KCNIP1: variants seen among roughly 807,000 people sequenced by gnomAD.
KCNIP1 encodes potassium voltage-gated channel interacting protein 1.
A neutral mutation model predicts 33.0 loss-of-function variants in KCNIP1; 18 were observed. That is an observed-to-expected ratio of 0.55 (90% CI 0.38 to 0.81). The LOEUF (loss-of-function observed/expected upper bound fraction) is 0.81, where lower values mean the gene tolerates loss of function less well. Ranked by LOEUF, KCNIP1 falls within the 30% of genes least tolerant of loss-of-function variation. The pLI is 0.00. For missense variants in KCNIP1, 238 were observed against 271.6 expected (o/e 0.88, Z 0.87); for synonymous variants, 93 against 98.3 (o/e 0.95, Z 0.32).
chr5:170,385,287 G>A (rs890338627), intron 1 of KCNIP1: 2 of 1,613,600 alleles, frequency 1.2e-6, no homozygotes, highest in Non-Finnish European at 1.7e-6. Context: ...AGGGTTGGGG[G>A]GTGGGCAGGC....
intron 1 of KCNIP1, among the ~76,000 whole-genome samples, chr5:170,366,273 C>G (rs1054216598): frequency 1.3e-5 from 2 of 152,192 alleles, no homozygotes; most frequent in Non-Finnish European, 2.9e-5. Flanking sequence ...GCAGTAAAAC[C>G]TTGTCTTTGT....
chr5:170,568,567 C>G (rs1284119921), intron 1 of KCNIP1, among the ~76,000 whole-genome samples: 2 of 141,390 alleles, frequency 1.4e-5, no homozygotes, highest in African/African-American at 5.1e-5. Context: ...AATCCCAGCA[C>G]TTTGGGAGGC....
intron 1 of KCNIP1, among the ~76,000 whole-genome samples, chr5:170,412,734 C>T (rs558958110): frequency 6.6e-6 from 1 of 152,266 alleles, no homozygotes; most frequent in African/African-American, 2.4e-5. Flanking sequence ...TGCCTCTCAC[C>T]TCAGGGCCTC....
intron 1 of KCNIP1, among the ~76,000 whole-genome samples, chr5:170,638,040 G>T (rs1401237807): frequency 7.2e-6 from 1 of 139,040 alleles, no homozygotes; most frequent in Non-Finnish European, 1.6e-5. Flanking sequence ...TCTGGGGGGT[G>T]GGGGGTGGGG....
At chr5:170,551,964 ATG>A (rs1756660804) in intron 1 of KCNIP1, among the ~76,000 whole-genome samples, 1 of 150,156 alleles carries the variant, frequency 6.7e-6, no homozygotes, top group Non-Finnish European at 1.5e-5. Flanking sequence ...GAGTGTGTGT[ATG>A]TGTTTGAGTG....
At chr5:170,402,525 G>A (rs220941) in intron 1 of KCNIP1, among the ~76,000 whole-genome samples, 1,599 of 152,274 alleles carry the variant, frequency 0.011, 21 homozygotes, top group African/African-American at 0.037. Context: ...ACCATCCTGT[G>A]GCCTTGAGGT....
intron 1 of KCNIP1, among the ~76,000 whole-genome samples, chr5:170,536,234 T>G (rs929074852): frequency 6.6e-6 from 1 of 152,202 alleles, no homozygotes. Flanking sequence ...GGCCTTAAAC[T>G]AGGCGCTCCT....
chr5:170,388,377 T>C (rs576678580), intron 1 of KCNIP1, among the ~76,000 whole-genome samples: 2 of 152,180 alleles, frequency 1.3e-5, no homozygotes, highest in Admixed American at 6.5e-5. Flanking sequence ...GGATGGGAAC[T>C]GTCAATATCC....
chr5:170,517,741 T>A lies in KCNIP1; in HGVS notation c.61+13108T>A, dbSNP rs531899014. Among the ~76,000 whole-genome samples, 5 of 149,418 alleles carry A rather than the reference T, an allele frequency of 3.3e-5. No individual in the cohort carries two copies. The South Asian group carries it at 1.1e-3, about 32-fold the overall frequency. ...GTGATGGTGGTGATTATGGAGGTGG[T>A]GATGGTGATAATGGTAATGATGGTA... On this transcript the variant is annotated intron_variant, in intron 1 of 7. Coordinates refer to ENST00000328939, the MANE Select transcript of KCNIP1 (RefSeq NM_014592.4).
At chr5:170,368,575 T>C (rs1240171237) in intron 1 of KCNIP1, among the ~76,000 whole-genome samples, 1 of 152,228 alleles carries the variant, frequency 6.6e-6, no homozygotes, top group Non-Finnish European at 1.5e-5. Context: ...AAGTTCTTCT[T>C]GATGCTTCTC....
chr5:170,583,920 A>G (rs948003261), intron 1 of KCNIP1, among the ~76,000 whole-genome samples: 4 of 152,198 alleles, frequency 2.6e-5, no homozygotes, highest in South Asian at 2.1e-4. Context: ...ACCAGCATGT[A>G]ATGTGTAATG....
chr5:170,466,012 G>A (rs1000720493), intron 1 of KCNIP1, among the ~76,000 whole-genome samples: 9 of 152,150 alleles, frequency 5.9e-5, no homozygotes, highest in Non-Finnish European at 5.9e-5. Flanking sequence ...TGTGTACCAC[G>A]GGCCAGATGT....
intron 1 of KCNIP1, among the ~76,000 whole-genome samples, chr5:170,441,334 G>A (rs1420091308): frequency 6.6e-6 from 1 of 152,140 alleles, no homozygotes; most frequent in African/African-American, 2.4e-5. Flanking sequence ...AGATAACAGG[G>A]CTAGCTCCAG....
At chr5:170,564,642 C>T (rs754944729) in intron 1 of KCNIP1, among the ~76,000 whole-genome samples, 18 of 152,156 alleles carry the variant, frequency 1.2e-4, no homozygotes, top group Non-Finnish European at 2.2e-4. Flanking sequence ...GGTGTGTGCA[C>T]CACAGTGCTG....
In KCNIP1 at chr5:170,390,517, A is replaced by ATATATATATAT. The variant is rs1554088941; in HGVS notation, c.88+36553_88+36554insTATATATATAT. Among the ~76,000 whole-genome samples the ATATATATATAT allele has an allele frequency of 2.2e-3, 162 of 74,466 alleles. 10 individuals carry two copies. Among genetic ancestry groups the ATATATATATAT allele is most frequent in the African/African-American group, 5.4e-3 (84 of 15,600 alleles). 48.9% of individuals were successfully genotyped at this position (74,466 alleles called of 152,430 possible). On this transcript the variant is annotated intron_variant, in intron 1 of 7. Coordinates refer to the KCNIP1 transcript ENST00000377360. ...GACCCCGTCTCAAAAAAAAAAAACA[A>ATATATATATAT]ATATATATATATATATATATATTTT...
At chr5:170,463,294 T>C (rs1478315735) in intron 1 of KCNIP1, among the ~76,000 whole-genome samples, 1 of 152,164 alleles carries the variant, frequency 6.6e-6, no homozygotes, top group Non-Finnish European at 1.5e-5. Context: ...TTCTAAAATG[T>C]AGAAGAAGAG....
intron 1 of KCNIP1, among the ~76,000 whole-genome samples, chr5:170,399,691 C>CT (rs1272655606): frequency 6.6e-6 from 1 of 152,180 alleles, no homozygotes; most frequent in East Asian, 1.9e-4. Context: ...AATAGAAACA[C>CT]TTTCCCCATT....
chr5:170,576,199 A>G (rs1757599081), intron 1 of KCNIP1, among the ~76,000 whole-genome samples: 1 of 152,140 alleles, frequency 6.6e-6, no homozygotes, highest in Non-Finnish European at 1.5e-5. Context: ...AAGCAGGGGC[A>G]CTCTGCATAA....
intron 1 of KCNIP1, among the ~76,000 whole-genome samples, chr5:170,358,846 T>C (rs763798362): frequency 7.9e-5 from 12 of 152,114 alleles, no homozygotes; most frequent in Non-Finnish European, 1.8e-4. Flanking sequence ...GAGCTGGGAT[T>C]AGAACCCAGG....
Sources: gnomAD v4.1 joint callset for allele counts (sites outside exome capture counted in the v4.1 genomes callset) on GRCh38, gnomAD v4.1.1 for gene constraint, MANE v1.5 for transcripts, NCBI Gene and HGNC (gene_info 2026-07-23, HGNC 2026-07-21) for gene names.